The following ANGPT1 variants were observed in gnomAD, a reference collection of about 807,000 sequenced individuals.
The protein encoded by ANGPT1 is angiopoietin 1, also known as angiopoietin-1.
A neutral mutation model predicts 62.2 loss-of-function variants in ANGPT1; 17 were observed. The ratio of observed to expected loss-of-function variants is 0.27; its 90% CI spans 0.19 to 0.41. The LOEUF is 0.41. Among genes scored for constraint, ANGPT1 ranks in the 10% least tolerant of loss-of-function variants. The probability of loss-of-function intolerance (pLI) is 1.00; values close to 1 mark genes in which losing one functional copy is unlikely to be tolerated. For missense variants in ANGPT1, 478 were observed against 594.9 expected, an observed-to-expected ratio of 0.80 and a Z score of 2.04; for synonymous variants, 199 against 198.9, an observed-to-expected ratio of 1.00 and a Z score of 0.00.
At chr8:107,297,228 C>T (rs10107690) in intron 5 of ANGPT1, among the ~76,000 whole-genome samples, 91,249 of 151,702 alleles carry the variant, frequency 0.6, 28,435 homozygotes, top group African/African-American at 0.78. Context: ...AATTCTTATG[C>T]AGACTTAATA....
intron 8 of ANGPT1, among the ~76,000 whole-genome samples, chr8:107,263,354 C>CAA (rs36190408): frequency 2.2e-5 from 2 of 91,280 alleles, no homozygotes; most frequent in African/African-American, 4.4e-5. Flanking sequence ...AACTCAGTTT[C>CAA]AAAAAAAAAA....
intron 1 of ANGPT1, among the ~76,000 whole-genome samples, chr8:107,461,170 C>G (rs1025155841): frequency 6.6e-6 from 1 of 152,040 alleles, no homozygotes; most frequent in Admixed American, 6.6e-5. Context: ...TTGAGCTGGG[C>G]TAGATCATTT....
chr8:107,252,281 C>T (rs906841027), intron 8 of ANGPT1, among the ~76,000 whole-genome samples: 2 of 152,130 alleles, frequency 1.3e-5, no homozygotes, highest in African/African-American at 4.8e-5. Flanking sequence ...CTCACTTCTT[C>T]TTGTAATGAT....
chr8:107,469,802 C>A (rs147171808), intron 1 of ANGPT1, among the ~76,000 whole-genome samples: 1 of 151,976 alleles, frequency 6.6e-6, no homozygotes, highest in East Asian at 1.9e-4. Flanking sequence ...TAAAATTGTA[C>A]TTCATAAGCT....
intron 1 of ANGPT1, among the ~76,000 whole-genome samples, chr8:107,420,706 T>C (rs1364026369): frequency 2.0e-5 from 3 of 152,156 alleles, no homozygotes; most frequent in Non-Finnish European, 1.5e-5. Flanking sequence ...CATTCATATA[T>C]GGTCCATGGA....
intron 1 of ANGPT1, among the ~76,000 whole-genome samples, chr8:107,372,289 C>T (rs1816431477): frequency 6.6e-6 from 1 of 151,920 alleles, no homozygotes; most frequent in Admixed American, 6.6e-5. Context: ...CAAAATCATG[C>T]CCAGCTGAGA....
At chr8:107,259,392 G>T (rs1277235423) in intron 8 of ANGPT1, among the ~76,000 whole-genome samples, 1 of 152,074 alleles carries the variant, frequency 6.6e-6, no homozygotes, top group African/African-American at 2.4e-5. Flanking sequence ...TCTGCTGTTA[G>T]CATCTGGAAA....
At chr8:107,378,498 T>C (rs182899038) in intron 1 of ANGPT1, among the ~76,000 whole-genome samples, 1 of 152,304 alleles carries the variant, frequency 6.6e-6, no homozygotes, top group East Asian at 1.9e-4. Context: ...TTTATGTTTA[T>C]ACACACACCA....
chr8:107,340,568 C>T (rs1815672638), intron 2 of ANGPT1, among the ~76,000 whole-genome samples: 1 of 151,912 alleles, frequency 6.6e-6, no homozygotes, highest in Admixed American at 6.5e-5. Flanking sequence ...GAGACAGAGT[C>T]TCACTCTGTC....
intron 4 of ANGPT1, among the ~76,000 whole-genome samples, chr8:107,318,563 G>A (rs1554582087): frequency 6.6e-6 from 1 of 152,124 alleles, no homozygotes; most frequent in Non-Finnish European, 1.5e-5. Context: ...TTATTTTAAT[G>A]TTGACTATGA....
intron 4 of ANGPT1, among the ~76,000 whole-genome samples, chr8:107,317,283 T>G (rs915978505): frequency 2.0e-5 from 3 of 152,204 alleles, no homozygotes; most frequent in African/African-American, 7.2e-5. Context: ...TTATAGAAAC[T>G]TACCAAATAT....
chr8:107,493,257 A>G lies in ANGPT1; in HGVS notation c.297+4005T>C, dbSNP rs536176455. 8.4e-4 allele frequency among the ~76,000 whole-genome samples: 126 copies of G among 150,662 alleles called. 8 individuals carry two copies. The highest frequency in any genetic ancestry group is 2.9e-3 in the African/African-American group (118 of 40,970). ...GGGAAAACAAGCCTAGAAACAAACA[A>G]TTAAAACAACCACCACAACAACTTT... On this transcript the variant is annotated intron_variant, in intron 1 of 8. Coordinates refer to ENST00000517746, the MANE Select transcript of ANGPT1 (RefSeq NM_001146.5).
chr8:107,459,096 C>A (rs1215918008), intron 1 of ANGPT1, among the ~76,000 whole-genome samples: 1 of 152,104 alleles, frequency 6.6e-6, no homozygotes, highest in East Asian at 1.9e-4. Context: ...ATCCTTTTGT[C>A]CTCTCCCTCA....
chr8:107,416,401 T>A (rs1048552610), intron 1 of ANGPT1, among the ~76,000 whole-genome samples: 1 of 152,188 alleles, frequency 6.6e-6, no homozygotes, highest in African/African-American at 2.4e-5. Context: ...GATGCAGCGA[T>A]ACATAGAATG....
At chr8:107,396,699 G>A (rs932085364) in intron 1 of ANGPT1, among the ~76,000 whole-genome samples, 10 of 151,220 alleles carry the variant, frequency 6.6e-5, no homozygotes, top group African/African-American at 2.4e-4. Flanking sequence ...TTTTCTGTAC[G>A]TTTTGTAAAG....
chr8:107,374,890 G>T (rs143447747), intron 1 of ANGPT1, among the ~76,000 whole-genome samples: 1 of 152,270 alleles, frequency 6.6e-6, no homozygotes, highest in East Asian at 1.9e-4. Context: ...GGCCAGGCGC[G>T]GTGGCTCACG....
intron 8 of ANGPT1, among the ~76,000 whole-genome samples, chr8:107,258,135 G>A (rs1257894122): frequency 6.6e-6 from 1 of 151,810 alleles, no homozygotes; most frequent in Non-Finnish European, 1.5e-5. Flanking sequence ...ATGAGGAAAT[G>A]CTTGCAAAAA....
chr8:107,337,752 G>A (rs549085098), intron 2 of ANGPT1, among the ~76,000 whole-genome samples: 45 of 152,160 alleles, frequency 3.0e-4, no homozygotes, highest in African/African-American at 1.1e-3. Context: ...TTTCTGCAGC[G>A]TCTCTAAATC....
At chr8:107,350,317 C>A (rs1334245162) in intron 1 of ANGPT1, among the ~76,000 whole-genome samples, 1 of 152,006 alleles carries the variant, frequency 6.6e-6, no homozygotes, top group Non-Finnish European at 1.5e-5. Context: ...CAGTGAGCTC[C>A]AATACAAGAT....
Sources: gnomAD v4.1 joint callset for allele counts (sites outside exome capture counted in the v4.1 genomes callset) on GRCh38, gnomAD v4.1.1 for gene constraint, MANE v1.5 for transcripts, NCBI Gene and HGNC (gene_info 2026-07-23, HGNC 2026-07-21) for gene names.